Variants in PPM1L observed in about 807,000 individuals in gnomAD.
PPM1L encodes protein phosphatase 1L.
A neutral mutation model predicts 31.4 loss-of-function variants in PPM1L; 13 were observed. The ratio of observed to expected loss-of-function variants is 0.41; its 90% confidence interval spans 0.27 to 0.66. The LOEUF is 0.66. Ranked by LOEUF, PPM1L falls within the 30% of genes least tolerant of loss-of-function variation. The pLI is 0.29. For synonymous variants in PPM1L, 184 were observed against 175.4 expected (o/e 1.05, Z -0.39); for missense variants, 326 against 453.7 (o/e 0.72, Z 2.56).
chr3:160,984,606 T>G (rs1357285376), intron 2 of PPM1L, among the ~76,000 whole-genome samples: 6 of 152,172 alleles, frequency 3.9e-5, no homozygotes, highest in Non-Finnish European at 8.8e-5. Context: ...AATTGATAAA[T>G]GTCCATGAAA....
chr3:160,806,960 G>A (rs1279360526), intron 1 of PPM1L, among the ~76,000 whole-genome samples: 1 of 151,794 alleles, frequency 6.6e-6, no homozygotes, highest in Non-Finnish European at 1.5e-5. Flanking sequence ...AGAGAGAAAG[G>A]AAAGAAAGAG....
intron 1 of PPM1L, among the ~76,000 whole-genome samples, chr3:160,869,123 A>G (rs1391878957): frequency 2.0e-5 from 3 of 152,216 alleles, no homozygotes; most frequent in African/African-American, 7.2e-5. Context: ...CCTCATCTGC[A>G]CGATGATATT....
At chr3:161,065,770 C>T (rs988013434) in intron 3 of PPM1L, among the ~76,000 whole-genome samples, 2 of 152,164 alleles carry the variant, frequency 1.3e-5, no homozygotes, top group East Asian at 3.8e-4. Context: ...TCCAAAAGAA[C>T]TAAAAAGCCC....
intron 1 of PPM1L, among the ~76,000 whole-genome samples, chr3:160,828,496 C>T (rs1283891564): frequency 1.3e-5 from 2 of 152,042 alleles, no homozygotes; most frequent in East Asian, 1.9e-4. Context: ...TAGGAAAAAT[C>T]CCTTATTCTG....
chr3:160,843,426 T>TTATATATATA (rs55994031), intron 1 of PPM1L, among the ~76,000 whole-genome samples: 837 of 46,976 alleles, frequency 0.018, 2 homozygotes, highest in Non-Finnish European at 0.022. Context: ...GGCAATTCTT[T>TTATATATATA]TATATATATA....
intron 1 of PPM1L, among the ~76,000 whole-genome samples, chr3:160,900,707 G>T (rs1032890779): frequency 2.6e-5 from 4 of 151,892 alleles, no homozygotes; most frequent in Non-Finnish European, 5.9e-5. Context: ...TTAACTTTGA[G>T]TTTTACTGAG....
chr3:160,979,637 G>A (rs1257562785), intron 2 of PPM1L, among the ~76,000 whole-genome samples: 2 of 151,984 alleles, frequency 1.3e-5, no homozygotes, highest in Non-Finnish European at 2.9e-5. Context: ...CACAAGAGTG[G>A]TTACTTTGGG....
chr3:160,870,679 TC>T, intron 1 of PPM1L: 2 of 152,190 alleles, frequency 1.3e-5, no homozygotes, highest in Non-Finnish European at 2.9e-5. Context: ...GGAATCAAAG[TC>T]CTTAAAGTTG....
At chr3:160,921,886 G>C (rs576845097) in intron 1 of PPM1L, among the ~76,000 whole-genome samples, 5 of 152,260 alleles carry the variant, frequency 3.3e-5, no homozygotes, top group African/African-American at 1.2e-4. Flanking sequence ...TTAAGACCTA[G>C]AGTTGCAGAG....
intron 2 of PPM1L, chr3:161,036,011 C>T (rs926924691): frequency 6.6e-6 from 1 of 152,168 alleles, no homozygotes; most frequent in Non-Finnish European, 1.5e-5. Context: ...GTCAGCAAGT[C>T]CAAATCAAGC....
chr3:160,945,701 C>G (rs532372218), intron 1 of PPM1L, among the ~76,000 whole-genome samples: 1 of 152,200 alleles, frequency 6.6e-6, no homozygotes, highest in East Asian at 1.9e-4. Flanking sequence ...TTGAACTGCA[C>G]AGGTCCACGT....
chr3:161,010,987 G>A (rs887196850), intron 2 of PPM1L, among the ~76,000 whole-genome samples: 10 of 152,162 alleles, frequency 6.6e-5, no homozygotes, highest in African/African-American at 2.2e-4. Context: ...TCTGATGGTA[G>A]TTTCTTTTGC....
chr3:161,075,787 T>C lies in PPM1L; in HGVS notation c.*6630T>C, dbSNP rs572246226. 6.6e-6 allele frequency: 1 copy of C among 152,336 alleles called. No homozygotes were observed. Among genetic ancestry groups the C allele is most frequent in the South Asian group, 2.1e-4 (1 of 4,832 alleles). The allele number at this position is 152,336 out of a possible 1,614,324, so 9.4% of individuals were successfully genotyped here. Reference sequence around the variant, plus strand: ...CTTAGTGAAGGAGATAACATTGAAGTGAGAAAATGAACATTCTCAGTTATT... The same window carrying C: ...CTTAGTGAAGGAGATAACATTGAAGCGAGAAAATGAACATTCTCAGTTATT... On this transcript the variant is annotated 3_prime_UTR_variant, in exon 4 of 4. Coordinates refer to ENST00000498165, the MANE Select transcript of PPM1L (RefSeq NM_139245.4).
At chr3:160,941,684 G>A (rs905871067) in intron 1 of PPM1L, among the ~76,000 whole-genome samples, 1 of 152,064 alleles carries the variant, frequency 6.6e-6, no homozygotes, top group African/African-American at 2.4e-5. Flanking sequence ...TCCCAGTCTC[G>A]GGTATGTTTT....
At chr3:161,016,470 T>C (rs1343628348) in intron 2 of PPM1L, among the ~76,000 whole-genome samples, 3 of 152,132 alleles carry the variant, frequency 2.0e-5, no homozygotes, top group Non-Finnish European at 4.4e-5. Context: ...AACCAAGATA[T>C]GGAACGCTGA....
intron 1 of PPM1L, among the ~76,000 whole-genome samples, chr3:160,959,342 A>G (rs980242717): frequency 2.6e-5 from 4 of 152,202 alleles, no homozygotes; most frequent in Non-Finnish European, 4.4e-5. Flanking sequence ...AATATTGGGT[A>G]CAGTGTACAC....
intron 1 of PPM1L, among the ~76,000 whole-genome samples, chr3:160,833,497 T>C (rs1713587331): frequency 6.6e-6 from 1 of 152,202 alleles, no homozygotes; most frequent in South Asian, 2.1e-4. Flanking sequence ...TGGTATCTCA[T>C]TGTGGTTTTG....
At chr3:160,842,194 T>C (rs1242487162) in intron 1 of PPM1L, 1 of 693,854 alleles carries the variant, frequency 1.4e-6, no homozygotes, top group Non-Finnish European at 2.6e-6. Context: ...GAGCTGGAAC[T>C]TGGAGATAGG....
chr3:160,991,757 A>C (rs911778409), intron 2 of PPM1L, among the ~76,000 whole-genome samples: 1 of 152,180 alleles, frequency 6.6e-6, no homozygotes, highest in Non-Finnish European at 1.5e-5. Flanking sequence ...CCAATCTTCA[A>C]CTGGAAATTG....
Sources: allele counts gnomAD v4.1 joint callset (sites outside exome capture counted in the v4.1 genomes callset), GRCh38; gene constraint gnomAD v4.1.1; transcripts MANE v1.5; gene names NCBI Gene and HGNC (gene_info 2026-07-23, HGNC 2026-07-21).